The following AGPS variants were observed in gnomAD, a reference collection of about 807,000 sequenced individuals.
AGPS encodes alkyldihydroxyacetonephosphate synthase, peroxisomal.
Under a neutral mutation model 90.7 loss-of-function variants are expected in AGPS, and 26 were observed. The observed-to-expected ratio is 0.29, with a 90% CI of 0.21 to 0.40. The LOEUF (loss-of-function observed/expected upper bound fraction) is 0.40. AGPS is among the 10% of genes least tolerant of loss of function. The probability of loss-of-function intolerance (pLI) is 1.00; values close to 1 mark genes in which losing one functional copy is unlikely to be tolerated. For missense variants in AGPS, 540 were observed against 816.1 expected (o/e 0.66, Z 4.12); for synonymous variants, 294 against 285.3 (o/e 1.03, Z -0.31).
Position 177,409,674 on chromosome 2 carries a change from G to A in AGPS, c.261-10595G>A, listed in dbSNP as rs181693639. Among the ~76,000 whole-genome samples the A allele has an allele frequency of 6.4e-4, 98 of 152,280 alleles. No homozygotes were observed. In the South Asian group the frequency reaches 9.1e-3, roughly 14 times the overall value. ...GAATTGGGGGCATAGTAGGGGTCAT[G>A]CAGTTCAGATTTCCTTGGGAGGGGT... On this transcript the variant is annotated intron_variant, in intron 1 of 19. Transcript: ENST00000264167.
At position 177,538,220 on chromosome 2, in the gene AGPS, AT is replaced by A. The variant is rs2079201182; in HGVS notation, c.*26del. 2 of 1,609,740 alleles carry A rather than the reference AT, an allele frequency of 1.2e-6. No individual in the cohort carries two copies. Among genetic ancestry groups the A allele is most frequent in the Non-Finnish European group, 1.7e-6 (2 of 1,176,700 alleles). On this transcript the variant is annotated 3_prime_UTR_variant, in exon 20 of 20. Coordinates refer to ENST00000264167, the MANE Select transcript of AGPS (RefSeq NM_003659.4). ...AATCCATTAGTACCATTACAAAAAA[AT>A]GTCAATTTTTTTTTTAAGTTTTCAA...
At chr2:177,472,279 A>T (rs912458977) in intron 10 of AGPS, among the ~76,000 whole-genome samples, 1 of 149,998 alleles carries the variant, frequency 6.7e-6, no homozygotes, top group Non-Finnish European at 1.5e-5. Context: ...TTTTTTTTCA[A>T]TGCCCTGTAT....
chr2:177,509,317 G>T (rs1198287137), intron 16 of AGPS, among the ~76,000 whole-genome samples: 2 of 152,042 alleles, frequency 1.3e-5, no homozygotes, highest in African/African-American at 4.8e-5. Flanking sequence ...TTAACAAGGG[G>T]AATAAATCCT....
At chr2:177,425,967 A>G (rs1375865998) in intron 2 of AGPS, among the ~76,000 whole-genome samples, 6 of 152,156 alleles carry the variant, frequency 3.9e-5, no homozygotes, top group Non-Finnish European at 7.3e-5. Context: ...CATTGAATCT[A>G]TAAATTACTT....
intron 19 of AGPS, 70 bp downstream of exon 19, chr2:177,523,875 G>A: frequency 7.8e-7 from 1 of 1,277,852 alleles, no homozygotes; most frequent in East Asian, 2.3e-5. Flanking sequence ...TAAAATGCTA[G>A]GGAGAGACAT....
chr2:177,446,149 CTT>C lies in AGPS; in HGVS notation c.870+535_870+536del, dbSNP rs61147634. Among the ~76,000 whole-genome samples, 313 of 147,836 alleles carry C rather than the reference CTT, an allele frequency of 2.1e-3. 1 individual carries two copies. The highest frequency in any genetic ancestry group is 3.5e-3 in the Non-Finnish European group (231 of 66,734). ...GCAGGGCTTCTCAGGGTGACTGTTA[CTT>C]TTTTTTTTTTTATTTTTTTTGAGAC... On this transcript the variant is annotated intron_variant, in intron 8 of 19. Transcript: ENST00000264167.
At chr2:177,523,009 C>G (rs1559083438) in intron 18 of AGPS, among the ~76,000 whole-genome samples, 1 of 152,158 alleles carries the variant, frequency 6.6e-6, no homozygotes, top group South Asian at 2.1e-4. Context: ...AAGTGTTTAT[C>G]TTTTCCTACC....
At chr2:177,470,799 A>G (rs944582318) in intron 10 of AGPS, among the ~76,000 whole-genome samples, 1 of 152,126 alleles carries the variant, frequency 6.6e-6, no homozygotes, top group Non-Finnish European at 1.5e-5. Context: ...TACAAAGTAC[A>G]TGCAACATAG....
At chr2:177,478,287 C>T (rs1313226822) in intron 10 of AGPS, among the ~76,000 whole-genome samples, 1 of 152,046 alleles carries the variant, frequency 6.6e-6, no homozygotes, top group Non-Finnish European at 1.5e-5. Context: ...TTTCTCTTGC[C>T]TTTGACTTTT....
At chr2:177,492,469 A>G (rs1317527867) in intron 11 of AGPS, among the ~76,000 whole-genome samples, 1 of 152,250 alleles carries the variant, frequency 6.6e-6, no homozygotes, top group Non-Finnish European at 1.5e-5. Flanking sequence ...TTTTAGAAGT[A>G]TCAACCCAAC....
intron 9 of AGPS, among the ~76,000 whole-genome samples, chr2:177,467,966 T>C (rs2105674816): frequency 6.6e-6 from 1 of 152,246 alleles, no homozygotes; most frequent in Non-Finnish European, 1.5e-5. Flanking sequence ...TGTTTTCTAC[T>C]AAGTGGGATT....
chr2:177,440,176 G>A (rs1686558760), intron 5 of AGPS, among the ~76,000 whole-genome samples: 1 of 151,984 alleles, frequency 6.6e-6, no homozygotes, highest in Non-Finnish European at 1.5e-5. Flanking sequence ...TGTGTTTCTT[G>A]TTGAAATTAA....
At chr2:177,446,240 G>A (rs1039537950) in intron 8 of AGPS, among the ~76,000 whole-genome samples, 4 of 151,690 alleles carry the variant, frequency 2.6e-5, no homozygotes, top group African/African-American at 9.7e-5. Context: ...TGCAAGCTCC[G>A]CCTCCTGGGT....
intron 18 of AGPS, among the ~76,000 whole-genome samples, chr2:177,523,003 GT>G: frequency 6.6e-6 from 1 of 152,110 alleles, no homozygotes; most frequent in East Asian, 1.9e-4. Context: ...TGTTACAAGT[GT>G]TTATCTTTTC....
chr2:177,506,792 A>G (rs1303226745), intron 15 of AGPS, among the ~76,000 whole-genome samples: 1 of 151,640 alleles, frequency 6.6e-6, no homozygotes, highest in African/African-American at 2.4e-5. Flanking sequence ...AATATCTACA[A>G]TTATCAATTG....
chr2:177,431,053 G>A (rs1574361265), intron 2 of AGPS, among the ~76,000 whole-genome samples: 1 of 152,202 alleles, frequency 6.6e-6, no homozygotes, highest in Middle Eastern at 3.4e-3. Context: ...TACTTATCAG[G>A]GGAACCCACC....
chr2:177,470,723 A>AC (rs1687590218), intron 10 of AGPS, among the ~76,000 whole-genome samples: 1 of 149,268 alleles, frequency 6.7e-6, no homozygotes, highest in Non-Finnish European at 1.5e-5. Context: ...AAAAAAAAAA[A>AC]AAGAAAAAAA....
chr2:177,505,562 T>C lies in AGPS; in HGVS notation c.1532T>C (p.Ile511Thr), dbSNP rs1688684528. 6.2e-7 allele frequency: 1 copy of C among 1,611,882 alleles called. No homozygotes were observed. Among genetic ancestry groups the C allele is most frequent in the Non-Finnish European group, 8.5e-7 (1 of 1,178,490 alleles). Residue 511 changes from isoleucine (I) to threonine (T), a missense_variant, in exon 15 of 20, where the codon ATT becomes ACT. By Grantham distance (89) the Ile-to-Thr change is moderately conservative. Coordinates refer to ENST00000264167, the MANE Select transcript of AGPS (RefSeq NM_003659.4). ...AGAGGTTATTTGCTGACCTATGTTA[T>C]TGCATACATTCGAGTAAGTTATATC... ...GQRGYLLTYV[I>T]AYIRDLALEY...
chr2:177,463,816 CTG>C (rs1687368200), intron 9 of AGPS, among the ~76,000 whole-genome samples: 1 of 152,076 alleles, frequency 6.6e-6, no homozygotes. Flanking sequence ...ACATTTAGCA[CTG>C]TGAAATCATG....
Sources: gnomAD v4.1 joint callset for allele counts (sites outside exome capture counted in the v4.1 genomes callset) on GRCh38, gnomAD v4.1.1 for gene constraint, MANE v1.5 for transcripts, NCBI Gene and HGNC (gene_info 2026-07-23, HGNC 2026-07-21) for gene names.